Variants in DLG2 observed in about 807,000 individuals in gnomAD.
The protein encoded by DLG2 is disks large homolog 2.
A neutral mutation model predicts 132.5 loss-of-function variants in DLG2; 45 were observed. The observed-to-expected ratio is 0.34, with a 90% CI of 0.27 to 0.44. DLG2 has a LOEUF of 0.44. Among genes scored for constraint, DLG2 ranks in the 20% least tolerant of loss-of-function variants. DLG2 has a pLI of 1.00. For missense variants in DLG2, 1,045 were observed against 1,196.9 expected (o/e 0.87, Z 1.87); for synonymous variants, 424 against 419.6 (o/e 1.01, Z -0.13).
At chr11:85,593,399 G>T (rs915975206) in intron 3 of DLG2, among the ~76,000 whole-genome samples, 1 of 152,104 alleles carries the variant, frequency 6.6e-6, no homozygotes, top group Non-Finnish European at 1.5e-5. Flanking sequence ...TACTTCCAGA[G>T]TTTCTTATTC....
chr11:83,532,497 C>G (rs2095778933), intron 21 of DLG2, among the ~76,000 whole-genome samples: 1 of 152,112 alleles, frequency 6.6e-6, no homozygotes, highest in South Asian at 2.1e-4. Flanking sequence ...TTCTGCTAAC[C>G]ACTTGCAGCT....
chr11:85,483,746 C>T (rs1447690448), intron 3 of DLG2, among the ~76,000 whole-genome samples: 1 of 151,898 alleles, frequency 6.6e-6, no homozygotes, highest in Non-Finnish European at 1.5e-5. Flanking sequence ...GAGTTCAAGA[C>T]CAGCCTGGCC....
chr11:84,534,485 T>C (rs1422450565), intron 7 of DLG2, 85 bp downstream of exon 7: 54 of 1,390,530 alleles, frequency 3.9e-5, no homozygotes, highest in Non-Finnish European at 5.2e-5. Context: ...AGAGCCTCAT[T>C]TAATCGGGCC....
chr11:84,562,023 A>G (rs956916120), intron 6 of DLG2, among the ~76,000 whole-genome samples: 1 of 152,098 alleles, frequency 6.6e-6, no homozygotes, highest in African/African-American at 2.4e-5. Flanking sequence ...CATACCCCTT[A>G]TGTAACCATA....
intron 3 of DLG2, among the ~76,000 whole-genome samples, chr11:85,572,610 C>T (rs1323514127): frequency 1.3e-5 from 2 of 152,146 alleles, no homozygotes; most frequent in African/African-American, 2.4e-5. Flanking sequence ...AGTTGTATCC[C>T]ATTCAAGTCC....
rs546181547 is a variant in DLG2 at position 85,377,886 on chromosome 11, A to C, written c.41-92521T>G. ...ATACATATATATACACACACACACA[A>C]ACACACACACACATACATATATATA... On this transcript the variant is annotated intron_variant, in intron 3 of 27. Transcript: ENST00000376104. Among the ~76,000 whole-genome samples the C allele has an allele frequency of 1.7e-4, 25 of 147,904 alleles. 1 individual carries two copies. In the South Asian group the frequency reaches 2.3e-3, roughly 14 times the overall value.
At chr11:84,458,509 A>C (rs544131844) in intron 7 of DLG2, among the ~76,000 whole-genome samples, 1 of 150,988 alleles carries the variant, frequency 6.6e-6, no homozygotes, top group African/African-American at 2.4e-5. Flanking sequence ...ATTATCTTAA[A>C]TGCTGTTAGA....
At chr11:84,321,687 G>C (rs1399619) in intron 7 of DLG2, among the ~76,000 whole-genome samples, 63,609 of 151,956 alleles carry the variant, frequency 0.42, 13,505 homozygotes, top group East Asian at 0.61. Flanking sequence ...CAAAGCCACC[G>C]TAAATAAACA....
intron 3 of DLG2, among the ~76,000 whole-genome samples, chr11:85,318,273 G>C (rs1450453280): frequency 6.6e-6 from 1 of 151,874 alleles, no homozygotes; most frequent in African/African-American, 2.4e-5. Context: ...TTCTGGCAAA[G>C]TAAAAGTCTA....
At chr11:85,178,953 A>G (rs575007263) in intron 4 of DLG2, among the ~76,000 whole-genome samples, 24 of 152,052 alleles carry the variant, frequency 1.6e-4, no homozygotes, top group African/African-American at 5.8e-4. Flanking sequence ...ATTTGAATAA[A>G]TACAGCTGAG....
intron 6 of DLG2, among the ~76,000 whole-genome samples, chr11:84,947,352 T>C (rs1196883218): frequency 3.3e-5 from 5 of 152,198 alleles, no homozygotes; most frequent in Non-Finnish European, 4.4e-5. Flanking sequence ...CCACAGTCTC[T>C]GCAGTAACTG....
At chr11:85,070,101 A>G (rs1406208043) in intron 6 of DLG2, among the ~76,000 whole-genome samples, 2 of 151,946 alleles carry the variant, frequency 1.3e-5, no homozygotes, top group African/African-American at 4.8e-5. Flanking sequence ...GGAATTGAAC[A>G]ATGAGAACAC....
chr11:83,825,285 G>A (rs899559454), intron 17 of DLG2, among the ~76,000 whole-genome samples: 9 of 148,424 alleles, frequency 6.1e-5, no homozygotes, highest in Admixed American at 6.9e-5. Context: ...AGGTTCAAGC[G>A]ATTCTCCTGC....
intron 15 of DLG2, among the ~76,000 whole-genome samples, chr11:83,923,340 T>C (rs2078305637): frequency 6.6e-6 from 1 of 152,124 alleles, no homozygotes. Context: ...ACAGATACAA[T>C]TATTCTTCTC....
intron 6 of DLG2, among the ~76,000 whole-genome samples, chr11:84,954,725 C>T (rs11607740): frequency 0.26 from 40,053 of 151,940 alleles, 5,360 homozygotes; most frequent in South Asian, 0.41. Context: ...CTAGACAGTC[C>T]CCTATTAGGC....
chr11:84,387,203 A>G (rs1461652256), intron 7 of DLG2, among the ~76,000 whole-genome samples: 4 of 151,944 alleles, frequency 2.6e-5, no homozygotes, highest in Admixed American at 2.0e-4. Context: ...GAGTCCATGC[A>G]TTTACCTAGT....
At chr11:85,323,846 C>A (rs769387407) in intron 3 of DLG2, among the ~76,000 whole-genome samples, 10 of 152,200 alleles carry the variant, frequency 6.6e-5, no homozygotes, top group Non-Finnish European at 1.2e-4. Context: ...TTCTTTTTAT[C>A]GCTGAATAAT....
chr11:85,372,110 C>T (rs897081290), intron 3 of DLG2, among the ~76,000 whole-genome samples: 2 of 152,196 alleles, frequency 1.3e-5, no homozygotes, highest in Admixed American at 6.5e-5. Flanking sequence ...GAGCAATCTC[C>T]AGCTGTAGCT....
chr11:84,151,275 C>A (rs774900800), intron 9 of DLG2, among the ~76,000 whole-genome samples: 10 of 151,032 alleles, frequency 6.6e-5, no homozygotes, highest in Non-Finnish European at 1.2e-4. Flanking sequence ...TTGGTTCAAT[C>A]TTAGGAGGTT....
Sources: allele counts gnomAD v4.1 joint callset (sites outside exome capture counted in the v4.1 genomes callset), GRCh38; gene constraint gnomAD v4.1.1; transcripts MANE v1.5; gene names NCBI Gene and HGNC (gene_info 2026-07-23, HGNC 2026-07-21).